Variants in XIAP observed in about 807,000 individuals in gnomAD.
The protein encoded by XIAP is X-linked inhibitor of apoptosis.
Under a neutral mutation model 33.1 loss-of-function variants are expected in XIAP, and 3 were observed. The observed-to-expected ratio is 0.09, with a 90% CI of 0.04 to 0.23. The LOEUF (loss-of-function observed/expected upper bound fraction) is 0.23, where lower values mean the gene tolerates loss of function less well. Ranked by LOEUF, XIAP falls within the 10% of genes least tolerant of loss-of-function variation. XIAP has a pLI of 1.00. For synonymous variants in XIAP, 98 were observed against 121.3 expected (o/e 0.81, Z 1.26); for missense variants, 264 against 363.0 (o/e 0.73, Z 2.22).
intron 1 of XIAP, among the ~76,000 whole-genome samples, chrX:123,871,571 G>A (rs1159264268): frequency 8.4e-5 from 9 of 107,531 alleles, no homozygotes; most frequent in Non-Finnish European, 1.7e-4. Context: ...GGCTGGAGTG[G>A]CCAGGCTCAA....
At chrX:123,904,878 G>A (rs1334568296) in intron 6 of XIAP, among the ~76,000 whole-genome samples, 3 of 111,368 alleles carry the variant, frequency 2.7e-5, no homozygotes, top group Non-Finnish European at 3.8e-5. Context: ...TGATCTGCCC[G>A]CCTCAGCCTC....
At chrX:123,872,438 A>G in intron 1 of XIAP, among the ~76,000 whole-genome samples, 1 of 109,603 alleles carries the variant, frequency 9.1e-6, no homozygotes, top group East Asian at 2.9e-4. Flanking sequence ...CTGTAATCCC[A>G]GCACTTTGTG....
chrX:123,901,895 C>T (rs766237756), intron 6 of XIAP, among the ~76,000 whole-genome samples: 27 of 111,004 alleles, frequency 2.4e-4, no homozygotes, highest in Non-Finnish European at 3.8e-5. Context: ...TGCAATGGCA[C>T]GATCTTGGCT....
intron 1 of XIAP, among the ~76,000 whole-genome samples, chrX:123,882,868 TC>T (rs750155418): frequency 9.3e-6 from 1 of 107,399 alleles, no homozygotes; most frequent in African/African-American, 3.4e-5. Context: ...AACCTCCACT[TC>T]CTGGGTTCAA....
intron 3 of XIAP, among the ~76,000 whole-genome samples, chrX:123,890,666 G>T (rs1429835955): frequency 1.9e-5 from 2 of 104,032 alleles, no homozygotes; most frequent in Non-Finnish European, 3.9e-5. Context: ...AACTAGCCGG[G>T]CATGGTGGCT....
At chrX:123,896,389 G>A (rs964136708) in intron 5 of XIAP, among the ~76,000 whole-genome samples, 1 of 110,820 alleles carries the variant, frequency 9.0e-6, no homozygotes, top group Non-Finnish European at 1.9e-5. Context: ...TATTTGGGTT[G>A]TCCTTTTTCT....
rs2053554954 is a variant in XIAP, at chrX:123,906,283, C to T, written c.1301-705C>T. ...AGATCTCTATCTCTAGCCCTGACTT[C>T]TCCTGACCTCAAGATTTGACTCTTC... On this transcript the variant is annotated intron_variant, in intron 6 of 6. Coordinates refer to ENST00000371199, the MANE Select transcript of XIAP (RefSeq NM_001167.4). 2.7e-5 allele frequency among the ~76,000 whole-genome samples: 3 copies of T among 112,029 alleles called. No homozygotes were observed. The Admixed American group carries it at 2.9e-4, about 11-fold the overall frequency.
At chrX:123,871,162 C>T (rs919473718) in intron 1 of XIAP, among the ~76,000 whole-genome samples, 1 of 110,689 alleles carries the variant, frequency 9.0e-6, no homozygotes, top group East Asian at 2.8e-4. Context: ...AGGGTGGTCT[C>T]GAACTCCTGA....
At chrX:123,860,762 A>G (rs2053071825) in intron 1 of XIAP, among the ~76,000 whole-genome samples, 2 of 111,817 alleles carry the variant, frequency 1.8e-5, no homozygotes, top group Non-Finnish European at 3.8e-5. Flanking sequence ...TCTGTAAAAC[A>G]AAATGTAATT....
At chrX:123,879,285 T>G (rs1182994517) in intron 1 of XIAP, 1 of 106,900 alleles carries the variant, frequency 9.4e-6, no homozygotes, top group African/African-American at 3.4e-5. Flanking sequence ...GATATAGCCT[T>G]TTTCTGTGGT....
chrX:123,872,753 G>A (rs1486509558), intron 1 of XIAP: 1 of 111,567 alleles, frequency 9.0e-6, no homozygotes, highest in Non-Finnish European at 1.9e-5. Context: ...CTCTTCTGCT[G>A]CTGGTTTACT....
intron 1 of XIAP, among the ~76,000 whole-genome samples, chrX:123,875,325 C>T (rs1183438180): frequency 9.0e-6 from 1 of 111,070 alleles, no homozygotes; most frequent in Non-Finnish European, 1.9e-5. Context: ...CCGGCCTGAT[C>T]AGGGATTTAT....
intron 2 of XIAP, among the ~76,000 whole-genome samples, chrX:123,888,171 C>CAA (rs2053371476): frequency 9.1e-6 from 1 of 109,935 alleles, no homozygotes; most frequent in African/African-American, 3.3e-5. Flanking sequence ...CCATCTCTAC[C>CAA]AAAGATATAA....
intron 1 of XIAP, among the ~76,000 whole-genome samples, chrX:123,873,479 T>C (rs1355405361): frequency 1.8e-5 from 2 of 108,383 alleles, no homozygotes; most frequent in Non-Finnish European, 3.8e-5. Flanking sequence ...TGGCCCTCTC[T>C]CTCTCTCTTT....
intron 1 of XIAP, among the ~76,000 whole-genome samples, chrX:123,866,586 T>A (rs1438015858): frequency 1.6e-4 from 16 of 102,445 alleles, no homozygotes; most frequent in South Asian, 1.2e-3. Context: ...TATAATATAT[T>A]ACATGTATAA....
intron 2 of XIAP, among the ~76,000 whole-genome samples, chrX:123,886,902 T>C (rs2053357184): frequency 9.0e-6 from 1 of 111,675 alleles, no homozygotes; most frequent in South Asian, 3.7e-4. Context: ...ATGCATTTTC[T>C]CTAAGCTTCA....
chrX:123,877,121 A>G (rs902686661), intron 1 of XIAP, among the ~76,000 whole-genome samples: 19 of 107,671 alleles, frequency 1.8e-4, no homozygotes, highest in Non-Finnish European at 3.1e-4. Context: ...GCTGGAGTAC[A>G]GTGGCATGAT....
chrX:123,865,739 G>C (rs950337799), intron 1 of XIAP, among the ~76,000 whole-genome samples: 1 of 110,049 alleles, frequency 9.1e-6, no homozygotes, highest in South Asian at 3.8e-4. Flanking sequence ...AAATAAAAGG[G>C]TATTTTGAAT....
intron 1 of XIAP, among the ~76,000 whole-genome samples, chrX:123,884,566 T>C (rs970186235): frequency 1.8e-5 from 2 of 111,036 alleles, no homozygotes; most frequent in Non-Finnish European, 3.8e-5. Context: ...CTTTGACAAG[T>C]TTATATTGAG....
Sources: allele counts gnomAD v4.1 joint callset (sites outside exome capture counted in the v4.1 genomes callset), GRCh38; gene constraint gnomAD v4.1.1; transcripts MANE v1.5; gene names NCBI Gene and HGNC (gene_info 2026-07-23, HGNC 2026-07-21).